SCPEP1: variants seen among roughly 807,000 people sequenced by gnomAD.
SCPEP1 encodes the protein retinoid-inducible serine carboxypeptidase.
Under a neutral mutation model 63.8 loss-of-function variants are expected in SCPEP1, and 51 were observed. That is an observed-to-expected ratio of 0.80 (90% CI 0.64 to 1.01). The LOEUF is 1.01. Among genes scored for constraint, SCPEP1 ranks in the 50% least tolerant of loss-of-function variants. The probability of loss-of-function intolerance (pLI) is 0.00; values close to 1 mark genes in which losing one functional copy is unlikely to be tolerated. For synonymous variants in SCPEP1, 204 were observed against 207.8 expected, an observed-to-expected ratio of 0.98 and a Z score of 0.16; for missense variants, 499 against 554.9, an observed-to-expected ratio of 0.90 and a Z score of 1.01.
Position 56,987,774 on chromosome 17 carries a change from C to A in SCPEP1, c.395C>A (p.Ala132Asp). The change falls in exon 4 of 13, where the codon GCC (alanine) becomes GAC (aspartate). Residue 132 changes from alanine to aspartate, a missense_variant. Ala to Asp is a moderately radical substitution (Grantham distance 126). Transcript: ENST00000262288. ...FSYVNGSGAY[A>D]KDLAMVASDM... ...TATGTGAATGGTAGTGGTGCCTATG[C>A]CAAGGACCTGGCTATGGTGGCTTCA... The A allele has an allele frequency of 6.2e-7, 1 of 1,614,116 alleles. No homozygotes were observed. The highest frequency in any genetic ancestry group is 8.5e-7 in the Non-Finnish European group (1 of 1,180,022).
In SCPEP1 at chr17:56,985,013, G is replaced by A. The variant is rs185247531; in HGVS notation, c.226-365G>A. 3.0e-4 allele frequency: 74 copies of A among 247,292 alleles called. 1 individual carries two copies. Among genetic ancestry groups the A allele is most frequent in the Non-Finnish European group, 5.2e-4 (65 of 125,958 alleles). The allele number at this position is 247,292 out of a possible 1,614,324, so 15.3% of individuals were successfully genotyped here. On this transcript the variant is annotated intron_variant, in intron 2 of 12. Coordinates refer to ENST00000262288, the MANE Select transcript of SCPEP1 (RefSeq NM_021626.3). ...CAACTACTTGAGGGGGCTGAGGCGG[G>A]AGGATCACTTGAACCCCAGAGGTAG... is the stretch of plus-strand genomic sequence containing the variant.
At chr17:56,995,797 G>A in intron 8 of SCPEP1, 162 bp downstream of exon 8, 3 of 634,442 alleles carry the variant, frequency 4.7e-6, no homozygotes, top group Admixed American at 4.3e-5. Flanking sequence ...AAGCAGTGAT[G>A]TAGTGGCTCC....
rs201989634 is a variant in SCPEP1, at chr17:57,002,214, T to G, written c.1296+33T>G. 2.2e-5 allele frequency: 36 copies of G among 1,606,614 alleles called. No individual in the cohort carries two copies. In the Admixed American group the frequency reaches 3.2e-4, roughly 14 times the overall value. On this transcript the variant is annotated intron_variant, in intron 12 of 12. Transcript: ENST00000262288. ...AGAGCTTTTGTTCCAGACTTAAAAA[T>G]CATCCTGAGAGGGAAGCCACAGGCG... is the stretch of plus-strand genomic sequence containing the variant.
rs1436100152 is a variant in SCPEP1, at chr17:57,000,241, G to A, written c.995-614G>A. ...TGAAGAAGAAAATGGGATGTTGCTT[G>A]TCAGATGCCTCCTTGGCAGTGACTA... On this transcript the variant is annotated intron_variant, in intron 10 of 12. Coordinates refer to ENST00000262288, the MANE Select transcript of SCPEP1 (RefSeq NM_021626.3). 4.6e-5 allele frequency among the ~76,000 whole-genome samples: 7 copies of A among 152,322 alleles called. No individual in the cohort carries two copies. The South Asian group carries it at 6.2e-4, about 14-fold the overall frequency.
At chr17:56,998,770 AG>A (rs1911651811) in intron 10 of SCPEP1, among the ~76,000 whole-genome samples, 1 of 152,046 alleles carries the variant, frequency 6.6e-6, no homozygotes, top group Non-Finnish European at 1.5e-5. Context: ...TAAGCAACAT[AG>A]TAAAGCCCCA....
chr17:56,994,641 A>G (rs1302476029), intron 6 of SCPEP1, among the ~76,000 whole-genome samples: 1 of 152,250 alleles, frequency 6.6e-6, no homozygotes, highest in African/African-American at 2.4e-5. Context: ...AAAGGCCTAG[A>G]GGTCCACAGA....
chr17:56,988,638 TATAAG>T (rs1210998586), intron 5 of SCPEP1, among the ~76,000 whole-genome samples: 20 of 151,834 alleles, frequency 1.3e-4, no homozygotes, highest in African/African-American at 4.1e-4. Context: ...CATATATAAA[TATAAG>T]ATAACGTTTC....
intron 8 of SCPEP1, 70 bp downstream of exon 8, chr17:56,995,705 T>C (rs1303202109): frequency 6.5e-7 from 1 of 1,526,994 alleles, no homozygotes; most frequent in African/African-American, 1.4e-5. Context: ...CCATGGTTGG[T>C]GTTGTCAAAC....
chr17:56,985,531 C>T, intron 3 of SCPEP1, 64 bp downstream of exon 3: 1 of 1,188,512 alleles, frequency 8.4e-7, no homozygotes, highest in South Asian at 1.2e-5. Context: ...CTGCCCAACT[C>T]TGGGAGGGGC....
intron 8 of SCPEP1, 166 bp downstream of exon 8, chr17:56,995,801 T>C (rs1272378635): frequency 1.6e-6 from 1 of 632,646 alleles, no homozygotes; most frequent in Non-Finnish European, 2.3e-6. Context: ...AGTGATGTAG[T>C]GGCTCCTTAC....
intron 9 of SCPEP1, 126 bp from the exon 10 acceptor site, chr17:56,998,259 C>T (rs1033695019): frequency 7.4e-5 from 45 of 609,556 alleles, no homozygotes; most frequent in Admixed American, 2.5e-4. Context: ...TTCAGTGAGC[C>T]GAGATCGTGC....
intron 12 of SCPEP1, 134 bp from the exon 13 acceptor site, chr17:57,006,039 T>G (rs1911880943): frequency 1.7e-6 from 1 of 574,424 alleles, no homozygotes; most frequent in Admixed American, 3.2e-5. Context: ...CTCTCAGGGA[T>G]GTGCCCAGGT....
rs150006593 is a variant in SCPEP1, at chr17:56,997,365, A to G, written c.880+310A>G. Among the ~76,000 whole-genome samples the G allele has an allele frequency of 8.8e-3, 1,335 of 152,318 alleles. 67 individuals carry two copies. Among genetic ancestry groups the G allele is most frequent in the Admixed American group, 0.076 (1,162 of 15,282 alleles). On this transcript the variant is annotated intron_variant, in intron 9 of 12. Coordinates refer to ENST00000262288, the MANE Select transcript of SCPEP1 (RefSeq NM_021626.3). The stretch of plus-strand genomic sequence containing the variant: ...GATTTTCCTTTTCTGAACATTTTAT[A>G]TAAATACAATCGCACAATAGTTAGT...
Position 56,981,363 on chromosome 17 carries a change from G to A in SCPEP1, c.225+133G>A, listed in dbSNP as rs115709369. The A allele has an allele frequency of 3.3e-5, 30 of 917,722 alleles. No individual in the cohort carries two copies. In the Admixed American group the frequency reaches 3.3e-4, roughly 10 times the overall value. The allele number at this position is 917,722 out of a possible 1,614,324, so 56.8% of individuals were successfully genotyped here. On this transcript the variant is annotated intron_variant, in intron 2 of 12. Coordinates refer to ENST00000262288, the MANE Select transcript of SCPEP1 (RefSeq NM_021626.3). Reference sequence around the variant, plus strand: ...CAGCAGTGTGACCTGGGGGTTCGGCGTGCTTCTGAGGTAGGCTGAGGCAAT... The same window carrying A: ...CAGCAGTGTGACCTGGGGGTTCGGCATGCTTCTGAGGTAGGCTGAGGCAAT...
At chr17:56,979,249 A>G (rs756993151) in intron 1 of SCPEP1, among the ~76,000 whole-genome samples, 1 of 152,106 alleles carries the variant, frequency 6.6e-6, no homozygotes, top group Middle Eastern at 3.2e-3. Flanking sequence ...TCAGCATCCC[A>G]AGTAGCCCGG....
rs1331795832 is a variant in SCPEP1, at chr17:57,006,268, C to T, written c.*33C>T. 2.5e-6 allele frequency: 4 copies of T among 1,587,256 alleles called. No homozygotes were observed. Among genetic ancestry groups the T allele is most frequent in the Admixed American group, 3.4e-5 (2 of 58,014 alleles). On this transcript the variant is annotated 3_prime_UTR_variant, in exon 13 of 13. Transcript: ENST00000262288. Reference sequence around the variant, plus strand: ...GGGGCTGGAGATGAGCTGGTTTGGCCTTGGGGCACAGAGCTGAGCTGAGGC... The same window carrying T: ...GGGGCTGGAGATGAGCTGGTTTGGCTTTGGGGCACAGAGCTGAGCTGAGGC...
chr17:57,001,377 T>C (rs1252849039), intron 11 of SCPEP1, among the ~76,000 whole-genome samples: 1 of 152,076 alleles, frequency 6.6e-6, no homozygotes, highest in Non-Finnish European at 1.5e-5. Context: ...AACTAAACCC[T>C]AATGACTGTA....
intron 12 of SCPEP1, among the ~76,000 whole-genome samples, 171 bp from the exon 13 acceptor site, chr17:57,006,002 G>T (rs181995901): frequency 3.2e-4 from 49 of 152,310 alleles, no homozygotes; most frequent in Admixed American, 1.5e-3. Flanking sequence ...TTCATCCAGT[G>T]CAGGAGTCAT....
intron 8 of SCPEP1, among the ~76,000 whole-genome samples, chr17:56,996,029 C>T (rs536767697): frequency 3.3e-5 from 5 of 152,098 alleles, no homozygotes; most frequent in Admixed American, 6.5e-5. Context: ...GGCCCCTCTG[C>T]AGCTCTGTTC....
Sources: gnomAD v4.1 joint callset for allele counts (sites outside exome capture counted in the v4.1 genomes callset) on GRCh38, gnomAD v4.1.1 for gene constraint, MANE v1.5 for transcripts, NCBI Gene and HGNC (gene_info 2026-07-23, HGNC 2026-07-21) for gene names.